Variants in CADM2 observed in about 807,000 individuals in gnomAD.
CADM2 encodes the protein cell adhesion molecule 2, also known as immunoglobulin superfamily member 4D.
In CADM2, 12 loss-of-function variants were observed where a neutral mutation model predicts 49.8. That is an observed-to-expected ratio of 0.24 (90% confidence interval 0.15 to 0.39). The LOEUF (loss-of-function observed/expected upper bound fraction) is 0.39, where lower values mean the gene tolerates loss of function less well. CADM2 is among the 10% of genes least tolerant of loss of function. The pLI is 1.00. For missense variants in CADM2, 378 were observed against 492.3 expected (o/e 0.77, Z 2.20); for synonymous variants, 214 against 175.4 (o/e 1.22, Z -1.74).
intron 1 of CADM2, among the ~76,000 whole-genome samples, chr3:85,090,704 C>T (rs1019496001): frequency 1.3e-5 from 2 of 152,106 alleles, no homozygotes; most frequent in Non-Finnish European, 2.9e-5. Flanking sequence ...GGCCAGTGAG[C>T]ATTACCGCCT....
intron 1 of CADM2, among the ~76,000 whole-genome samples, chr3:85,265,987 A>G (rs2107904305): frequency 6.6e-6 from 1 of 152,010 alleles, no homozygotes; most frequent in South Asian, 2.1e-4. Context: ...ATAGAGCCAA[A>G]GTTGTCAACT....
intron 6 of CADM2, among the ~76,000 whole-genome samples, chr3:85,920,736 A>G (rs958598827): frequency 2.0e-5 from 3 of 151,640 alleles, no homozygotes; most frequent in African/African-American, 7.2e-5. Context: ...ACAGGCAAGG[A>G]TTCAAAATGT....
chr3:85,990,738 T>G (rs1728679972), intron 8 of CADM2, among the ~76,000 whole-genome samples: 3 of 152,184 alleles, frequency 2.0e-5, no homozygotes, highest in African/African-American at 7.2e-5. Flanking sequence ...ACTTTGTTCT[T>G]TTGTGAATAT....
intron 1 of CADM2, among the ~76,000 whole-genome samples, chr3:85,166,854 A>AT (rs1206808554): frequency 1.3e-5 from 2 of 151,904 alleles, no homozygotes; most frequent in East Asian, 3.9e-4. Context: ...TTTTGTTATC[A>AT]TTTTTTCCTG....
intron 1 of CADM2, among the ~76,000 whole-genome samples, chr3:85,636,105 T>TA (rs1387037740): frequency 2.6e-5 from 4 of 152,162 alleles, no homozygotes; most frequent in African/African-American, 7.2e-5. Flanking sequence ...CTTCTACTTA[T>TA]AAAAAAGACT....
At chr3:86,009,046 A>G (rs1731149117) in intron 8 of CADM2, among the ~76,000 whole-genome samples, 1 of 150,088 alleles carries the variant, frequency 6.7e-6, no homozygotes, top group African/African-American at 2.4e-5. Context: ...CTGAAGGCTG[A>G]AGAGATTGAA....
intron 1 of CADM2, among the ~76,000 whole-genome samples, chr3:85,368,840 C>CCTATT (rs1559803932): frequency 6.6e-6 from 1 of 151,866 alleles, no homozygotes; most frequent in African/African-American, 2.4e-5. Flanking sequence ...CTAATTGTAC[C>CCTATT]CTGTTCTGTC....
At chr3:85,734,537 A>G (rs2068054639) in intron 2 of CADM2, among the ~76,000 whole-genome samples, 1 of 139,428 alleles carries the variant, frequency 7.2e-6, no homozygotes, top group Non-Finnish European at 1.6e-5. Context: ...ACACACACAT[A>G]CATATATATA....
At chr3:85,567,560 T>C (rs1288704585) in intron 1 of CADM2, among the ~76,000 whole-genome samples, 1 of 152,202 alleles carries the variant, frequency 6.6e-6, no homozygotes, top group East Asian at 1.9e-4. Flanking sequence ...TCCTTCATGG[T>C]AGCTATTGTG....
chr3:85,695,734 C>T (rs1473008228), intron 1 of CADM2, among the ~76,000 whole-genome samples: 2 of 152,000 alleles, frequency 1.3e-5, no homozygotes, highest in Admixed American at 6.6e-5. Context: ...TTGCAAGTGT[C>T]TTTTTGATGT....
intron 1 of CADM2, among the ~76,000 whole-genome samples, chr3:85,047,925 C>G (rs545446341): frequency 2.5e-3 from 379 of 152,234 alleles, no homozygotes; most frequent in Non-Finnish European, 4.3e-3. Flanking sequence ...TGCAAGTTTT[C>G]TGCAGAGTGA....
At chr3:85,297,721 T>G (rs1300051150) in intron 1 of CADM2, among the ~76,000 whole-genome samples, 1 of 152,092 alleles carries the variant, frequency 6.6e-6, no homozygotes, top group African/African-American at 2.4e-5. Flanking sequence ...TTTTGAGTTC[T>G]GCATAGAAAC....
At chr3:85,091,921 C>T (rs1280466854) in intron 1 of CADM2, among the ~76,000 whole-genome samples, 1 of 152,094 alleles carries the variant, frequency 6.6e-6, no homozygotes, top group Non-Finnish European at 1.5e-5. Context: ...TAATGTGTCA[C>T]TTCATTGTAG....
intron 6 of CADM2, among the ~76,000 whole-genome samples, chr3:85,930,055 C>A (rs1720396096): frequency 1.3e-5 from 2 of 151,784 alleles, no homozygotes; most frequent in South Asian, 4.2e-4. Context: ...ACTAAAATGG[C>A]ATGTTTAAAG....
At chr3:85,411,474 C>A (rs1399430836) in intron 1 of CADM2, among the ~76,000 whole-genome samples, 1 of 152,128 alleles carries the variant, frequency 6.6e-6, no homozygotes, top group Non-Finnish European at 1.5e-5. Context: ...AAAATACACC[C>A]ATTTAAATAA....
At chr3:85,100,898 G>T (rs1559661560) in intron 1 of CADM2, among the ~76,000 whole-genome samples, 1 of 152,158 alleles carries the variant, frequency 6.6e-6, no homozygotes, top group Non-Finnish European at 1.5e-5. Context: ...ATAGTCTTTT[G>T]TCATGTGCAA....
At chr3:85,769,541 G>A (rs13433929) in intron 2 of CADM2, among the ~76,000 whole-genome samples, 1,479 of 40,354 alleles carry the variant, frequency 0.037, 128 homozygotes, top group East Asian at 0.06. Context: ...ATATATACAC[G>A]TATATACATA....
intron 1 of CADM2, among the ~76,000 whole-genome samples, chr3:85,105,105 A>G (rs2038161132): frequency 6.6e-6 from 1 of 152,074 alleles, no homozygotes; most frequent in South Asian, 2.1e-4. Context: ...TTCCAACACT[A>G]TGTTGAATAG....
chr3:84,984,336 T>C (rs1269255283), intron 1 of CADM2, among the ~76,000 whole-genome samples: 1 of 108,988 alleles, frequency 9.2e-6, no homozygotes, highest in Admixed American at 1.3e-4. Flanking sequence ...AATGCCCTCA[T>C]AGCCACCTCA....
Sources: gnomAD v4.1 joint callset for allele counts (sites outside exome capture counted in the v4.1 genomes callset) on GRCh38, gnomAD v4.1.1 for gene constraint, MANE v1.5 for transcripts, NCBI Gene and HGNC (gene_info 2026-07-23, HGNC 2026-07-21) for gene names.